CHD2: variants seen among roughly 807,000 people sequenced by gnomAD.
CHD2 encodes ATP-dependent chromatin remodeler CHD2.
Under a neutral mutation model 243.9 loss-of-function variants are expected in CHD2, and 28 were observed. The observed-to-expected ratio is 0.11, with a 90% CI of 0.09 to 0.16. CHD2 has a LOEUF of 0.16. Ranked by LOEUF, CHD2 falls within the 10% of genes least tolerant of loss-of-function variation. The pLI is 1.00. For synonymous variants in CHD2, 775 were observed against 779.0 expected (o/e 0.99, Z 0.09); for missense variants, 1,386 against 2,209.8 (o/e 0.63, Z 7.47).
intron 2 of CHD2, among the ~76,000 whole-genome samples, chr15:92,912,674 C>T (rs1177320815): frequency 6.6e-6 from 1 of 152,204 alleles, no homozygotes. Flanking sequence ...GCTGGGACCA[C>T]AGGTGCCCGC....
At chr15:93,006,124 C>A (rs1434098793) in intron 34 of CHD2, among the ~76,000 whole-genome samples, 2 of 125,266 alleles carry the variant, frequency 1.6e-5, no homozygotes, top group Non-Finnish European at 3.3e-5. Flanking sequence ...CTCTCTCTCT[C>A]TTTTTTTTTT....
chr15:92,964,622 T>A (rs1239845632), intron 16 of CHD2, among the ~76,000 whole-genome samples: 1 of 152,200 alleles, frequency 6.6e-6, no homozygotes, highest in Non-Finnish European at 1.5e-5. Flanking sequence ...TAGTATAGAG[T>A]CTAAGTGCCT....
chr15:92,907,062 C>T (rs1349731609), intron 2 of CHD2, among the ~76,000 whole-genome samples: 1 of 152,166 alleles, frequency 6.6e-6, no homozygotes, highest in Non-Finnish European at 1.5e-5. Context: ...TGCTGGAACA[C>T]ATTACTCACA....
intron 5 of CHD2, among the ~76,000 whole-genome samples, chr15:92,934,462 G>T (rs746685223): frequency 5.3e-5 from 8 of 152,182 alleles, no homozygotes; most frequent in African/African-American, 1.9e-4. Flanking sequence ...GCTGGATATT[G>T]TAAGTTTCCT....
chr15:92,952,389 C>T (rs113103971), intron 13 of CHD2, among the ~76,000 whole-genome samples: 1,997 of 151,128 alleles, frequency 0.013, 42 homozygotes, highest in African/African-American at 0.046. Context: ...CACTTTATTT[C>T]TATTATTATT....
intron 22 of CHD2, among the ~76,000 whole-genome samples, chr15:92,980,188 G>T (rs933584000): frequency 6.7e-6 from 1 of 149,880 alleles, no homozygotes; most frequent in Non-Finnish European, 1.5e-5. Flanking sequence ...GGGACTACAG[G>T]TGTGCACCAC....
At chr15:92,991,164 A>T (rs1363209049) in intron 26 of CHD2, among the ~76,000 whole-genome samples, 2 of 152,206 alleles carry the variant, frequency 1.3e-5, no homozygotes, top group Non-Finnish European at 2.9e-5. Flanking sequence ...TGAAGTCTAT[A>T]AACTTGTATC....
In CHD2 at chr15:92,948,585, G is replaced by T. The variant is rs573861983; in HGVS notation, c.1378-367G>T. 1.7e-3 allele frequency among the ~76,000 whole-genome samples: 252 copies of T among 152,244 alleles called. 1 individual carries two copies. Among genetic ancestry groups the T allele is most frequent in the African/African-American group, 5.7e-3 (237 of 41,550 alleles). ...GCGGTGGCTCACGCCTGTAATCCCA[G>T]CACTCTGGGAGGCCGAGGTGGGCAG... On this transcript the variant is annotated intron_variant, in intron 12 of 38. Coordinates refer to ENST00000394196, the MANE Select transcript of CHD2 (RefSeq NM_001271.4).
chr15:92,992,767 GAGA>G, intron 27 of CHD2, 89 bp from the exon 28 acceptor site: 3 of 1,502,654 alleles, frequency 2.0e-6, no homozygotes, highest in Middle Eastern at 2.1e-4. Flanking sequence ...GTCTTTGCAG[GAGA>G]AGATTATGTG....
intron 13 of CHD2, among the ~76,000 whole-genome samples, chr15:92,949,825 G>T (rs1193348812): frequency 6.6e-6 from 1 of 152,182 alleles, no homozygotes; most frequent in African/African-American, 2.4e-5. Flanking sequence ...TGCAGAAAGG[G>T]TGCTTCTTGG....
At chr15:92,931,344 C>T (rs1287222538) in intron 5 of CHD2, among the ~76,000 whole-genome samples, 2 of 152,064 alleles carry the variant, frequency 1.3e-5, no homozygotes, top group Admixed American at 6.6e-5. Context: ...ATACTTTACC[C>T]AGATTACCAT....
At chr15:92,975,762 G>A (rs1372850975) in intron 20 of CHD2, among the ~76,000 whole-genome samples, 1 of 151,858 alleles carries the variant, frequency 6.6e-6, no homozygotes, top group Non-Finnish European at 1.5e-5. Flanking sequence ...ATGCTCTGCT[G>A]TCTGCCTTTA....
intron 15 of CHD2, 45 bp downstream of exon 15, chr15:92,955,557 T>C (rs1340931167): frequency 8.0e-7 from 1 of 1,247,386 alleles, no homozygotes; most frequent in Non-Finnish European, 1.1e-6. Context: ...CCAGTGCGAC[T>C]TGTCCAGATG....
intron 24 of CHD2, among the ~76,000 whole-genome samples, chr15:92,983,274 G>GT (rs2054002286): frequency 6.6e-6 from 1 of 152,168 alleles, no homozygotes; most frequent in Non-Finnish European, 1.5e-5. Flanking sequence ...CTGCACTTGT[G>GT]TAACTCTTAC....
At chr15:92,985,746 G>A in intron 26 of CHD2, 73 bp downstream of exon 26, 3 of 1,480,370 alleles carry the variant, frequency 2.0e-6, no homozygotes, top group Non-Finnish European at 2.7e-6. Context: ...ACTGGATCCT[G>A]GACATCGTGA....
chr15:92,907,376 G>A (rs1040855871), intron 2 of CHD2, among the ~76,000 whole-genome samples: 3 of 152,220 alleles, frequency 2.0e-5, no homozygotes, highest in Non-Finnish European at 1.5e-5. Context: ...TCTCATTACT[G>A]AGTCCCTGTA....
intron 17 of CHD2, among the ~76,000 whole-genome samples, chr15:92,971,004 G>T (rs2053833957): frequency 6.6e-6 from 1 of 152,134 alleles, no homozygotes; most frequent in South Asian, 2.1e-4. Context: ...AAGTTATTTT[G>T]TCAGATAAAA....
rs112971279 is a variant in CHD2, at chr15:92,937,168, A to G, written c.444-350A>G. Among the ~76,000 whole-genome samples the G allele has an allele frequency of 5.6e-3, 855 of 152,320 alleles. 11 individuals are homozygous for G. Among genetic ancestry groups the G allele is most frequent in the African/African-American group, 0.02 (811 of 41,572 alleles). On this transcript the variant is annotated intron_variant, in intron 5 of 38. Coordinates refer to ENST00000394196, the MANE Select transcript of CHD2 (RefSeq NM_001271.4). ...ATGGACCATCTCACTTGGCCCAGAA[A>G]TCTTTTTTAACAAGCCCTTTAGGTG...
chr15:92,992,995 G>C lies in CHD2; in HGVS notation c.3592G>C (p.Glu1198Gln), dbSNP rs757981280. 1 of 1,613,388 alleles carries C rather than the reference G, an allele frequency of 6.2e-7. No individual in the cohort carries two copies. Among genetic ancestry groups the C allele is most frequent in the Non-Finnish European group, 8.5e-7 (1 of 1,179,982 alleles). Residue 1198 changes from glutamate to glutamine, a missense_variant, in exon 28 of 39, where the codon GAG becomes CAG. Glu to Gln is a conservative substitution (Grantham distance 29, BLOSUM62 2). Transcript: ENST00000394196. ...YEEQLKENAS[E>Q]GKGPGKRRGP... ...AGAGCAGCTGAAAGAAAATGCCAGCGAGGGTAAGCGAAGTTGGCTTTAGTG... is the reference window on the plus strand; with the variant it reads ...AGAGCAGCTGAAAGAAAATGCCAGCCAGGGTAAGCGAAGTTGGCTTTAGTG...
Sources: allele counts gnomAD v4.1 joint callset (sites outside exome capture counted in the v4.1 genomes callset), GRCh38; gene constraint gnomAD v4.1.1; transcripts MANE v1.5; gene names NCBI Gene and HGNC (gene_info 2026-07-23, HGNC 2026-07-21).